The following DPYD variants were observed in gnomAD, a reference collection of about 807,000 sequenced individuals.
DPYD encodes the protein dihydropyrimidine dehydrogenase [NADP(+)].
DPYD carries 109 observed loss-of-function variants against 116.2 expected under a neutral mutation model. That is an observed-to-expected ratio of 0.94 (90% CI 0.80 to 1.10). The LOEUF is 1.10. Ranked by LOEUF, DPYD falls within the 50% of genes least tolerant of loss-of-function variation. The pLI is 0.00. For missense variants in DPYD, 1,302 were observed against 1,254.5 expected (o/e 1.04, Z -0.57); for synonymous variants, 440 against 432.0 (o/e 1.02, Z -0.23).
Position 97,282,299 on chromosome 1 carries a change from T to C in DPYD, c.2299+22960A>G, listed in dbSNP as rs562438111. On this transcript the variant is annotated intron_variant, in intron 18 of 22. Coordinates refer to ENST00000370192, the MANE Select transcript of DPYD (RefSeq NM_000110.4). ...TCGTCTTCTAATTTTGTTCTTTTTT[T>C]GATATATAAAAAATTAAAGACAATA... is the stretch of plus-strand genomic sequence containing the variant. 1.1e-3 allele frequency among the ~76,000 whole-genome samples: 167 copies of C among 152,244 alleles called. 1 individual carries two copies. The highest frequency in any genetic ancestry group is 3.7e-3 in the African/African-American group (152 of 41,578).
At chr1:97,824,715 G>T (rs1293791625) in intron 3 of DPYD, among the ~76,000 whole-genome samples, 1 of 152,122 alleles carries the variant, frequency 6.6e-6, no homozygotes, top group Non-Finnish European at 1.5e-5. Context: ...TTTCAGTCTA[G>T]TCTTACTCTG....
intron 8 of DPYD, among the ~76,000 whole-genome samples, chr1:97,619,527 A>G (rs1367905301): frequency 6.6e-6 from 1 of 152,166 alleles, no homozygotes; most frequent in African/African-American, 2.4e-5. Flanking sequence ...CTTTTCTTTC[A>G]AATGTATTGC....
intron 3 of DPYD, among the ~76,000 whole-genome samples, chr1:97,772,743 TAAC>T (rs561674505): frequency 3.9e-5 from 6 of 152,270 alleles, no homozygotes; most frequent in South Asian, 2.1e-4. Context: ...GAATCTAGCA[TAAC>T]AACAACAACA....
At chr1:97,706,881 TATG>T (rs1454327223) in intron 5 of DPYD, among the ~76,000 whole-genome samples, 3 of 152,102 alleles carry the variant, frequency 2.0e-5, no homozygotes, top group Non-Finnish European at 4.4e-5. Context: ...TGCCAGATCA[TATG>T]ATAAGAGTAT....
chr1:97,409,281 CT>C (rs1465660951), intron 14 of DPYD, among the ~76,000 whole-genome samples: 1 of 152,062 alleles, frequency 6.6e-6, no homozygotes, highest in Non-Finnish European at 1.5e-5. Flanking sequence ...GCTCTTTGCT[CT>C]CATTAACTAT....
chr1:97,509,288 C>T lies in DPYD; in HGVS notation c.1740+6438G>A, dbSNP rs12567477. Among the ~76,000 whole-genome samples, 14 of 151,982 alleles carry T rather than the reference C, an allele frequency of 9.2e-5. No homozygotes were observed. The East Asian group carries it at 2.3e-3, about 25-fold the overall frequency. On this transcript the variant is annotated intron_variant, in intron 13 of 22. Transcript: ENST00000370192. ...CATAACAAAATATAAAACATGTGGC[C>T]CTGGCTTTGGCATTGTGAGGCAGGC...
Position 97,591,194 on chromosome 1 carries a change from C to A in DPYD, c.1128+2024G>T, listed in dbSNP as rs187726115. ...ATCTCATCGGAGAGGTCTTCCAGGGCCACCCTGTTTAAAATGGCAAACCCT... is the reference window on the plus strand; with the variant it reads ...ATCTCATCGGAGAGGTCTTCCAGGGACACCCTGTTTAAAATGGCAAACCCT... On this transcript the variant is annotated intron_variant, in intron 10 of 22. Transcript: ENST00000370192. 8.5e-5 allele frequency among the ~76,000 whole-genome samples: 13 copies of A among 152,298 alleles called. No individual in the cohort carries two copies. The East Asian group carries it at 2.5e-3, about 29-fold the overall frequency.
At chr1:97,454,919 G>A (rs1048907617) in intron 13 of DPYD, among the ~76,000 whole-genome samples, 3 of 151,812 alleles carry the variant, frequency 2.0e-5, no homozygotes, top group Non-Finnish European at 4.4e-5. Flanking sequence ...TTTGCAAAGT[G>A]AATCATGGCT....
intron 19 of DPYD, 79 bp downstream of exon 19, chr1:97,234,773 A>ATT: frequency 8.0e-6 from 11 of 1,367,456 alleles, no homozygotes; most frequent in African/African-American, 5.8e-5. Flanking sequence ...AAACGAATCT[A>ATT]TTTTTTTTTT....
chr1:97,821,537 A>C (rs1431742076), intron 3 of DPYD, among the ~76,000 whole-genome samples: 1 of 152,122 alleles, frequency 6.6e-6, no homozygotes, highest in African/African-American at 2.4e-5. Context: ...CTCTAAATTC[A>C]TTATCATACT....
intron 8 of DPYD, among the ~76,000 whole-genome samples, chr1:97,671,063 G>GT (rs1325906381): frequency 6.6e-6 from 1 of 151,924 alleles, no homozygotes; most frequent in Non-Finnish European, 1.5e-5. Context: ...TATAATTTGT[G>GT]TTTTATAAAA....
intron 18 of DPYD, among the ~76,000 whole-genome samples, chr1:97,255,946 C>G (rs1453216302): frequency 6.6e-6 from 1 of 151,974 alleles, no homozygotes; most frequent in Non-Finnish European, 1.5e-5. Context: ...AGGGCTAGCC[C>G]AAATGGGTGA....
intron 13 of DPYD, among the ~76,000 whole-genome samples, chr1:97,472,370 C>G (rs1253733275): frequency 6.6e-6 from 1 of 152,226 alleles, no homozygotes; most frequent in East Asian, 1.9e-4. Flanking sequence ...ACACCTTCAT[C>G]TCCCCTATGC....
At chr1:97,907,377 T>C (rs1024759514) in intron 1 of DPYD, among the ~76,000 whole-genome samples, 12 of 152,114 alleles carry the variant, frequency 7.9e-5, no homozygotes, top group African/African-American at 2.9e-4. Context: ...AACTTCATGA[T>C]AGTAACAGCT....
At chr1:97,260,568 G>C (rs190046322) in intron 18 of DPYD, among the ~76,000 whole-genome samples, 2 of 152,124 alleles carry the variant, frequency 1.3e-5, no homozygotes, top group Admixed American at 1.3e-4. Context: ...ATTTGTGTAA[G>C]TCTTAAAATT....
chr1:97,128,089 ACT>A (rs1652985759), intron 20 of DPYD, among the ~76,000 whole-genome samples: 1 of 152,080 alleles, frequency 6.6e-6, no homozygotes. Flanking sequence ...ATCCTTGAAC[ACT>A]CTCACTGAAA....
chr1:97,500,719 A>G (rs1336689490), intron 13 of DPYD, among the ~76,000 whole-genome samples: 1 of 152,054 alleles, frequency 6.6e-6, no homozygotes, highest in Non-Finnish European at 1.5e-5. Flanking sequence ...TAGGCTTCAG[A>G]TGCATTTCTC....
intron 14 of DPYD, among the ~76,000 whole-genome samples, chr1:97,440,073 C>T (rs1056997426): frequency 2.0e-5 from 3 of 151,916 alleles, no homozygotes; most frequent in South Asian, 4.2e-4. Flanking sequence ...GTCGGGAGTT[C>T]GAGACCAGCC....
intron 14 of DPYD, among the ~76,000 whole-genome samples, chr1:97,399,041 T>C (rs1214066664): frequency 6.6e-6 from 1 of 152,208 alleles, no homozygotes; most frequent in Non-Finnish European, 1.5e-5. Context: ...TCCTGAATGG[T>C]ATTGCCTAGG....
Sources: gnomAD v4.1 joint callset for allele counts (sites outside exome capture counted in the v4.1 genomes callset) on GRCh38, gnomAD v4.1.1 for gene constraint, MANE v1.5 for transcripts, NCBI Gene and HGNC (gene_info 2026-07-23, HGNC 2026-07-21) for gene names.